Variants in HACE1 observed in about 807,000 individuals in gnomAD.
The protein encoded by HACE1 is E3 ubiquitin-protein ligase HACE1.
A neutral mutation model predicts 118.4 loss-of-function variants in HACE1; 73 were observed. The ratio of observed to expected loss-of-function variants is 0.62; its 90% CI spans 0.51 to 0.75. HACE1 has a LOEUF of 0.75. HACE1 is among the 30% of genes least tolerant of loss of function. The probability of loss-of-function intolerance (pLI) is 0.00; values close to 1 mark genes in which losing one functional copy is unlikely to be tolerated. For synonymous variants in HACE1, 368 were observed against 374.8 expected (o/e 0.98, Z 0.21); for missense variants, 749 against 1,102.2 (o/e 0.68, Z 4.54).
chr6:104,765,872 C>G (rs1410123424), intron 19 of HACE1, among the ~76,000 whole-genome samples: 1 of 152,150 alleles, frequency 6.6e-6, no homozygotes, highest in Non-Finnish European at 1.5e-5. Flanking sequence ...ACAGTTTATT[C>G]TTTTGTTTCT....
At chr6:104,740,631 A>G (rs1406849860) in intron 22 of HACE1, among the ~76,000 whole-genome samples, 1 of 151,316 alleles carries the variant, frequency 6.6e-6, no homozygotes, top group Non-Finnish European at 1.5e-5. Flanking sequence ...ATCTCTGAAT[A>G]GACCAATAAC....
chr6:104,814,036 A>C (rs1158831930), intron 6 of HACE1, among the ~76,000 whole-genome samples: 1 of 138,310 alleles, frequency 7.2e-6, no homozygotes, highest in Non-Finnish European at 1.6e-5. Context: ...AATTCTACAA[A>C]GTAGAATAAA....
intron 6 of HACE1, among the ~76,000 whole-genome samples, chr6:104,828,058 AC>A (rs1192285665): frequency 1.3e-5 from 2 of 152,090 alleles, no homozygotes; most frequent in African/African-American, 4.8e-5. Flanking sequence ...TTCTAAATCC[AC>A]GTTATTCTGA....
intron 7 of HACE1, among the ~76,000 whole-genome samples, chr6:104,800,779 G>A (rs980411424): frequency 2.6e-5 from 4 of 152,188 alleles, no homozygotes; most frequent in East Asian, 1.9e-4. Context: ...CAGAAAAGCC[G>A]AAAATTCTAA....
intron 6 of HACE1, among the ~76,000 whole-genome samples, chr6:104,828,736 G>C (rs1302996725): frequency 6.6e-6 from 1 of 152,112 alleles, no homozygotes; most frequent in East Asian, 1.9e-4. Context: ...TGCAACAGCT[G>C]CATCTATATG....
intron 19 of HACE1, among the ~76,000 whole-genome samples, chr6:104,756,446 TACAC>T (rs1270426579): frequency 3.6e-5 from 5 of 140,492 alleles, no homozygotes; most frequent in Non-Finnish European, 3.0e-5. Context: ...TATATATATA[TACAC>T]ACACACACAC....
chr6:104,859,242 C>T, intron 1 of HACE1: 1 of 326,000 alleles, frequency 3.1e-6, no homozygotes, highest in Non-Finnish European at 5.6e-6. Context: ...TGTTTTCTGA[C>T]TCCGGGTCTC....
intron 1 of HACE1, among the ~76,000 whole-genome samples, chr6:104,858,723 C>T (rs1390318482): frequency 3.3e-5 from 5 of 152,202 alleles, no homozygotes; most frequent in African/African-American, 9.6e-5. Context: ...CCTCCCAACC[C>T]TTCTCTCACT....
intron 19 of HACE1, 38 bp from the exon 20 acceptor site, chr6:104,750,510 A>C (rs777152093): frequency 1.3e-6 from 2 of 1,581,668 alleles, no homozygotes; most frequent in East Asian, 4.5e-5. Context: ...CTTTTCAAAA[A>C]CCTTTTACAT....
chr6:104,745,075 G>A (rs1403126962), intron 20 of HACE1, among the ~76,000 whole-genome samples: 1 of 152,048 alleles, frequency 6.6e-6, no homozygotes, highest in Non-Finnish European at 1.5e-5. Flanking sequence ...TTATCATGAG[G>A]AAAAAGGAGG....
At chr6:104,753,791 G>C (rs1175443047) in intron 19 of HACE1, among the ~76,000 whole-genome samples, 1 of 152,160 alleles carries the variant, frequency 6.6e-6, no homozygotes, top group African/African-American at 2.4e-5. Flanking sequence ...AGGCCAAAAA[G>C]ATGAGAAAGA....
At chr6:104,750,099 T>C (rs909770285) in intron 20 of HACE1, among the ~76,000 whole-genome samples, 2 of 152,128 alleles carry the variant, frequency 1.3e-5, no homozygotes, top group African/African-American at 2.4e-5. Context: ...AGGAATATAT[T>C]CCATTTTAGT....
chr6:104,740,229 T>C (rs920364515), intron 22 of HACE1, among the ~76,000 whole-genome samples: 1 of 145,480 alleles, frequency 6.9e-6, no homozygotes, highest in African/African-American at 2.6e-5. Context: ...AGATCCAAAA[T>C]TGACACCCTA....
At chr6:104,793,023 C>T (rs932230117) in intron 10 of HACE1, among the ~76,000 whole-genome samples, 3 of 151,836 alleles carry the variant, frequency 2.0e-5, no homozygotes, top group Non-Finnish European at 2.9e-5. Flanking sequence ...AATCCCAGCA[C>T]TTTGGGAGGC....
chr6:104,793,522 A>G (rs569952218), intron 10 of HACE1, among the ~76,000 whole-genome samples: 1 of 152,324 alleles, frequency 6.6e-6, no homozygotes, highest in Admixed American at 6.5e-5. Context: ...TCTTTAGCAA[A>G]TATTCCTGAA....
intron 19 of HACE1, among the ~76,000 whole-genome samples, chr6:104,757,761 C>A (rs967425569): frequency 1.3e-5 from 2 of 152,038 alleles, no homozygotes; most frequent in African/African-American, 4.8e-5. Flanking sequence ...ATTAAAGGAG[C>A]ATGTTCTAAC....
chr6:104,808,716 T>C (rs1771293289), intron 7 of HACE1, among the ~76,000 whole-genome samples: 1 of 152,196 alleles, frequency 6.6e-6, no homozygotes, highest in Non-Finnish European at 1.5e-5. Flanking sequence ...CTTGTTCTAT[T>C]TCCTATATTC....
chr6:104,818,279 T>A (rs1261007596), intron 6 of HACE1, among the ~76,000 whole-genome samples: 2 of 152,150 alleles, frequency 1.3e-5, no homozygotes, highest in Non-Finnish European at 1.5e-5. Flanking sequence ...ACGTGGGCCT[T>A]CTAATCATGG....
At chr6:104,735,495 G>A (rs1366668774) in intron 22 of HACE1, among the ~76,000 whole-genome samples, 1 of 152,080 alleles carries the variant, frequency 6.6e-6, no homozygotes, top group Non-Finnish European at 1.5e-5. Flanking sequence ...GCCATGCATG[G>A]TGGCGGGTGC....
Sources: gnomAD v4.1 joint callset for allele counts (sites outside exome capture counted in the v4.1 genomes callset) on GRCh38, gnomAD v4.1.1 for gene constraint, MANE v1.5 for transcripts, NCBI Gene and HGNC (gene_info 2026-07-23, HGNC 2026-07-21) for gene names.